PTGER4: variants seen among roughly 807,000 people sequenced by gnomAD.
The protein encoded by PTGER4 is prostaglandin E receptor 4, also known as prostaglandin E2 receptor EP4 subtype.
In PTGER4, 11 loss-of-function variants were observed where a neutral mutation model predicts 33.2. The ratio of observed to expected loss-of-function variants is 0.33; its 90% CI spans 0.21 to 0.55. The LOEUF is 0.55. Among genes scored for constraint, PTGER4 ranks in the 20% least tolerant of loss-of-function variants. The probability of loss-of-function intolerance (pLI) is 0.92; values close to 1 mark genes in which losing one functional copy is unlikely to be tolerated. For missense variants in PTGER4, 481 were observed against 650.2 expected (o/e 0.74, Z 2.83); for synonymous variants, 275 against 281.5 (o/e 0.98, Z 0.23).
downstream of PTGER4, chr5:40,696,587 G>A (rs1184492505): frequency 1.3e-6 from 1 of 795,866 alleles, no homozygotes; most frequent in Non-Finnish European, 1.5e-6. Flanking sequence ...AGATAGCTGG[G>A]TCTTTGGTCC....
At chr5:40,705,304 C>T in the PTGER4 span, among the ~76,000 whole-genome samples, 105 of 152,252 alleles carry the variant, frequency 6.9e-4, no homozygotes, top group African/African-American at 2.0e-3. Flanking sequence ...CCCGTCCTTA[C>T]ACCATATACA....
At chr5:40,743,125 T>C in the PTGER4 span, among the ~76,000 whole-genome samples, 1 of 152,036 alleles carries the variant, frequency 6.6e-6, no homozygotes, top group African/African-American at 2.4e-5. Context: ...AAGGGAGAAA[T>C]GCTCAAAAAC....
chr5:40,738,964 T>C, the PTGER4 span, among the ~76,000 whole-genome samples: 1 of 152,228 alleles, frequency 6.6e-6, no homozygotes, highest in African/African-American at 2.4e-5. Flanking sequence ...GTCAGATATA[T>C]GGACTGGAAA....
chr5:40,729,983 G>A, the PTGER4 span, among the ~76,000 whole-genome samples: 1 of 152,328 alleles, frequency 6.6e-6, no homozygotes, highest in African/African-American at 2.4e-5. Context: ...ACAGACGTGA[G>A]CCATGGCACC....
the PTGER4 span, chr5:40,746,782 A>C: frequency 2.5e-6 from 4 of 1,586,650 alleles, no homozygotes; most frequent in African/African-American, 5.5e-5. Context: ...ATAAAAAAAA[A>C]ACTTTAAATA....
the PTGER4 span, among the ~76,000 whole-genome samples, chr5:40,729,516 T>C: frequency 6.6e-6 from 1 of 152,216 alleles, no homozygotes. Flanking sequence ...ATTAATAAAA[T>C]TGCATCTATG....
downstream of PTGER4, among the ~76,000 whole-genome samples, chr5:40,698,092 C>CAAAAAAAAAAAAA (rs1156254550): frequency 3.5e-4 from 14 of 40,044 alleles, no homozygotes; most frequent in Middle Eastern, 0.026. Context: ...CCTGTCTCTA[C>CAAAAAAAAAAAAA]AAAAAAAAAA....
the PTGER4 span, among the ~76,000 whole-genome samples, chr5:40,720,385 T>C: frequency 1.3e-5 from 2 of 152,222 alleles, no homozygotes; most frequent in African/African-American, 4.8e-5. Context: ...CTTTCAGTTC[T>C]ATCCCACTGA....
intron 2 of PTGER4, among the ~76,000 whole-genome samples, chr5:40,682,443 T>C (rs933164525): frequency 3.3e-5 from 5 of 152,162 alleles, no homozygotes; most frequent in Admixed American, 2.0e-4. Flanking sequence ...AGGGAGTGAA[T>C]GATACGCTTA....
chr5:40,728,445 G>A, the PTGER4 span: 1 of 1,612,218 alleles, frequency 6.2e-7, no homozygotes, highest in Admixed American at 1.7e-5. Flanking sequence ...TGCATGTACT[G>A]CTGGGAACAT....
the PTGER4 span, among the ~76,000 whole-genome samples, chr5:40,737,827 G>A: frequency 6.6e-6 from 1 of 152,102 alleles, no homozygotes; most frequent in Non-Finnish European, 1.5e-5. Flanking sequence ...TTATAAAATT[G>A]GAATCAGACG....
chr5:40,708,814 C>T, the PTGER4 span, among the ~76,000 whole-genome samples: 6 of 152,172 alleles, frequency 3.9e-5, no homozygotes, highest in African/African-American at 1.4e-4. Context: ...TCCAGCAGCA[C>T]ATCAAAAAGC....
chr5:40,728,321 A>C, the PTGER4 span: 1 of 1,482,208 alleles, frequency 6.7e-7, no homozygotes, highest in South Asian at 1.3e-5. Flanking sequence ...AAATTTCTGC[A>C]TTATAATAAT....
the PTGER4 span, among the ~76,000 whole-genome samples, chr5:40,703,611 A>C: frequency 6.6e-6 from 1 of 152,136 alleles, no homozygotes; most frequent in Non-Finnish European, 1.5e-5. Flanking sequence ...TAAAAAATTT[A>C]GGAGGAAGAG....
the PTGER4 span, among the ~76,000 whole-genome samples, chr5:40,736,979 C>T: frequency 6.6e-6 from 1 of 152,118 alleles, no homozygotes; most frequent in South Asian, 2.1e-4. Context: ...CATGAATACT[C>T]TAAGGTAAGA....
chr5:40,708,460 CA>C, the PTGER4 span, among the ~76,000 whole-genome samples: 2 of 151,940 alleles, frequency 1.3e-5, no homozygotes, highest in African/African-American at 4.8e-5. Context: ...TCGACACATA[CA>C]CCCTCCCAAG....
the PTGER4 span, among the ~76,000 whole-genome samples, chr5:40,724,476 T>C: frequency 2.0e-5 from 3 of 151,562 alleles, no homozygotes; most frequent in African/African-American, 4.9e-5. Context: ...CTACTAAAAT[T>C]ACAAAAATTA....
Position 40,681,400 on chromosome 5 carries a change from C to G in PTGER4, c.407C>G (p.Ala136Gly). The G allele has an allele frequency of 6.2e-7, 1 of 1,614,060 alleles. No individual in the cohort carries two copies. The highest frequency in any genetic ancestry group is 8.5e-7 in the Non-Finnish European group (1 of 1,180,034). ...AGCCACTACGTGGACAAGCGATTGG[C>G]GGGCCTCACGCTCTTTGCAGTCTAT... Reference protein sequence around the residue: ...FYSHYVDKRLAGLTLFAVYAS... With the variant: ...FYSHYVDKRLGGLTLFAVYAS... Residue 136 changes from alanine (A) to glycine (G), a missense_variant, in exon 2 of 3, where the codon GCG becomes GGG. Around this residue, in one of 7 missense-constraint regions of PTGER4, gnomAD observed 43 missense variants for 39.4 expected, o/e 1.09. Transcript: ENST00000302472. This position sits in a 1 kb window ranked among gnomAD's most constrained non-coding sequence, Gnocchi z 9.8.
At chr5:40,736,997 A>G in the PTGER4 span, among the ~76,000 whole-genome samples, 1 of 152,158 alleles carries the variant, frequency 6.6e-6, no homozygotes, top group Non-Finnish European at 1.5e-5. Context: ...AGACTTCTGA[A>G]TTTAAAAGCC....
Sources: gnomAD v4.1 joint callset for allele counts (sites outside exome capture counted in the v4.1 genomes callset) on GRCh38, gnomAD v4.1.1 for gene constraint, gnomAD v4.1.1 regional missense constraint, Gnocchi (gnomAD v3.1) non-coding constraint, MANE v1.5 for transcripts, NCBI Gene and HGNC (gene_info 2026-07-23, HGNC 2026-07-21) for gene names.